Variants in TTC7B observed in about 807,000 individuals in gnomAD.
The protein encoded by TTC7B is tetratricopeptide repeat protein 7B.
A neutral mutation model predicts 106.8 loss-of-function variants in TTC7B; 28 were observed. The observed-to-expected ratio is 0.26, with a 90% confidence interval of 0.19 to 0.36. The LOEUF (loss-of-function observed/expected upper bound fraction) is 0.36, where lower values mean the gene tolerates loss of function less well. TTC7B is among the 10% of genes least tolerant of loss of function. The pLI, the probability that TTC7B is intolerant of heterozygous loss-of-function variation, is 1.00. For missense variants in TTC7B, 862 were observed against 1,076.4 expected (o/e 0.80, Z 2.79); for synonymous variants, 405 against 430.6 (o/e 0.94, Z 0.74).
intron 15 of TTC7B, among the ~76,000 whole-genome samples, chr14:90,639,788 CTAAG>C (rs1206164225): frequency 6.6e-6 from 1 of 152,096 alleles, no homozygotes; most frequent in East Asian, 1.9e-4. Flanking sequence ...TCACAGTAGA[CTAAG>C]TAAGGAAATC....
At chr14:90,616,243 C>T (rs568351511) in intron 16 of TTC7B, among the ~76,000 whole-genome samples, 81 of 152,258 alleles carry the variant, frequency 5.3e-4, no homozygotes, top group African/African-American at 1.9e-3. Context: ...CTAGCTGGTT[C>T]GGAGGCAGAC....
chr14:90,804,448 G>A (rs1250484295), intron 1 of TTC7B, among the ~76,000 whole-genome samples: 1 of 152,198 alleles, frequency 6.6e-6, no homozygotes, highest in Non-Finnish European at 1.5e-5. Flanking sequence ...CCCCCAGGAC[G>A]CTGAGAGGAG....
At chr14:90,658,462 T>C in intron 9 of TTC7B, 75 bp from the exon 10 acceptor site, 1 of 1,353,342 alleles carries the variant, frequency 7.4e-7, no homozygotes, top group South Asian at 1.2e-5. Context: ...TGAGTTTGTA[T>C]CTATGCACAC....
At chr14:90,785,870 G>T (rs1001066355) in intron 2 of TTC7B, among the ~76,000 whole-genome samples, 4 of 152,164 alleles carry the variant, frequency 2.6e-5, no homozygotes, top group African/African-American at 9.7e-5. Flanking sequence ...AACATGTCAG[G>T]TTAAGCTCTG....
Position 90,575,803 on chromosome 14 carries a change from T to C in TTC7B, c.2310+2303A>G, listed in dbSNP as rs8009388. Among the ~76,000 whole-genome samples, 3 of 152,120 alleles carry C rather than the reference T, an allele frequency of 2.0e-5. No individual in the cohort carries two copies. The highest frequency in any genetic ancestry group is 6.5e-5 in the Admixed American group (1 of 15,274). On this transcript the variant is annotated intron_variant, in intron 19 of 19. Coordinates refer to ENST00000328459, the MANE Select transcript of TTC7B (RefSeq NM_001010854.2). The surrounding 1 kb of genome is among the most constrained non-coding windows in gnomAD (Gnocchi z 5.2). ...CAAATCTGTAGTCTCGCTCTTCTCA[T>C]CCTGCCTCCAATCTGGATGGTTTTT...
At chr14:90,768,078 A>G (rs1566878193) in intron 3 of TTC7B, among the ~76,000 whole-genome samples, 1 of 152,240 alleles carries the variant, frequency 6.6e-6, no homozygotes, top group Admixed American at 6.5e-5. Flanking sequence ...AACTTGTCAC[A>G]TACAAGGGAT....
At chr14:90,646,403 C>G (rs1238396884) in intron 14 of TTC7B, among the ~76,000 whole-genome samples, 1 of 152,224 alleles carries the variant, frequency 6.6e-6, no homozygotes, top group Non-Finnish European at 1.5e-5. Context: ...ACAAAACTTG[C>G]CCCTCCCGCA....
intron 4 of TTC7B, among the ~76,000 whole-genome samples, chr14:90,736,248 T>A (rs1430891563): frequency 6.6e-6 from 1 of 152,142 alleles, no homozygotes; most frequent in East Asian, 1.9e-4. Flanking sequence ...GGTTTCTCTG[T>A]ACATAGTGAA....
intron 5 of TTC7B, among the ~76,000 whole-genome samples, chr14:90,723,446 C>A (rs144955594): frequency 6.6e-6 from 1 of 152,352 alleles, no homozygotes; most frequent in East Asian, 1.9e-4. Context: ...GACCTTCCTT[C>A]TTCTGGGTAA....
At chr14:90,771,768 A>G (rs1236970315) in intron 3 of TTC7B, among the ~76,000 whole-genome samples, 1 of 151,756 alleles carries the variant, frequency 6.6e-6, no homozygotes, top group African/African-American at 2.4e-5. Flanking sequence ...ATATAAAAAT[A>G]GTAAATACAT....
intron 19 of TTC7B, among the ~76,000 whole-genome samples, chr14:90,542,096 C>T (rs557883403): frequency 9.3e-4 from 142 of 152,262 alleles, no homozygotes; most frequent in African/African-American, 3.3e-3. Flanking sequence ...CCCGCCACCA[C>T]GCCCGGCTAA....
At chr14:90,590,268 A>G (rs1891901674) in intron 18 of TTC7B, among the ~76,000 whole-genome samples, 1 of 152,086 alleles carries the variant, frequency 6.6e-6, no homozygotes. Flanking sequence ...TGTCCTATTC[A>G]CTATCTCCTT....
At chr14:90,638,838 C>T (rs1396223485) in intron 15 of TTC7B, among the ~76,000 whole-genome samples, 1 of 152,204 alleles carries the variant, frequency 6.6e-6, no homozygotes, top group Admixed American at 6.5e-5. Context: ...ATGACAGTGA[C>T]AAGACAGTGG....
chr14:90,619,221 A>T (rs561255501), intron 15 of TTC7B, among the ~76,000 whole-genome samples: 133 of 152,356 alleles, frequency 8.7e-4, no homozygotes, highest in Admixed American at 1.4e-3. Flanking sequence ...ACCTCGAGAA[A>T]CTACAATGAT....
At chr14:90,736,893 T>TAAA (rs58051350) in intron 4 of TTC7B, among the ~76,000 whole-genome samples, 106 of 91,870 alleles carry the variant, frequency 1.2e-3, no homozygotes, top group South Asian at 7.2e-3. Context: ...CCATGTCTCT[T>TAAA]AAAAAAAAAA....
intron 6 of TTC7B, 144 bp downstream of exon 6, chr14:90,695,356 A>G (rs1448544781): frequency 9.6e-6 from 3 of 311,702 alleles, no homozygotes; most frequent in Non-Finnish European, 1.8e-5. Flanking sequence ...TTATAAATAT[A>G]TGTATAATGC....
intron 18 of TTC7B, among the ~76,000 whole-genome samples, chr14:90,593,269 C>T (rs146099272): frequency 1.6e-4 from 25 of 152,318 alleles, no homozygotes; most frequent in African/African-American, 4.6e-4. Context: ...GCCAGGGCAC[C>T]GAGGCAGGGG....
intron 7 of TTC7B, among the ~76,000 whole-genome samples, chr14:90,688,621 C>CAAAAAAAA (rs57020065): frequency 5.5e-5 from 3 of 54,490 alleles, no homozygotes; most frequent in South Asian, 7.6e-4. Flanking sequence ...GGCTCTGTCT[C>CAAAAAAAA]AAAAAAAAAA....
At chr14:90,646,859 G>A (rs1885478112) in intron 14 of TTC7B, 92 bp downstream of exon 14, 2 of 1,186,910 alleles carry the variant, frequency 1.7e-6, no homozygotes, top group African/African-American at 1.5e-5. Flanking sequence ...ATGGAATAAA[G>A]GAAGATCACC....
Sources: gnomAD v4.1 joint callset for allele counts (sites outside exome capture counted in the v4.1 genomes callset) on GRCh38, gnomAD v4.1.1 for gene constraint, Gnocchi (gnomAD v3.1) non-coding constraint, MANE v1.5 for transcripts, NCBI Gene and HGNC (gene_info 2026-07-23, HGNC 2026-07-21) for gene names.